ABCC8: variants seen among roughly 807,000 people sequenced by gnomAD.
The protein encoded by ABCC8 is ATP binding cassette subfamily C member 8.
Under a neutral mutation model 188.0 loss-of-function variants are expected in ABCC8, and 137 were observed. That is an observed-to-expected ratio of 0.73 (90% CI 0.63 to 0.84). ABCC8 has a LOEUF of 0.84. ABCC8 is among the 40% of genes least tolerant of loss of function. The pLI, the probability that ABCC8 is intolerant of heterozygous loss-of-function variation, is 0.00. For missense variants in ABCC8, 1,750 were observed against 2,072.7 expected (o/e 0.84, Z 3.02); for synonymous variants, 797 against 846.5 (o/e 0.94, Z 1.01).
chr11:17,463,535 G>A lies in ABCC8; in HGVS notation c.482C>T (p.Ala161Val), dbSNP rs1847957511. 6.3e-7 allele frequency: 1 copy of A among 1,598,114 alleles called. No homozygotes were observed. Among genetic ancestry groups the A allele is most frequent in the African/African-American group, 1.3e-5 (1 of 74,718 alleles). ...TIKFVKFLDH[A>V]IGFSQLRFCL... The stretch of plus-strand genomic sequence containing the variant: ...GAAGCGTAGCTGCGAGAAGCCGATG[G>A]CGTGGTCCAAGAACTTGACAAACTT... The change falls in exon 4 of 39, where the codon GCC becomes GTC. Residue 161 changes from alanine (A) to valine (V), a missense_variant. Physicochemically the swap from Ala to Val is moderately conservative, Grantham distance 64. Transcript: ENST00000389817.
At chr11:17,421,317 A>G (rs1955332218) in intron 16 of ABCC8, among the ~76,000 whole-genome samples, 1 of 152,362 alleles carries the variant, frequency 6.6e-6, no homozygotes, top group Admixed American at 6.5e-5. Context: ...GTATTTGCTC[A>G]TTCCAAATAT....
At chr11:17,440,747 T>C (rs911871340) in intron 10 of ABCC8, among the ~76,000 whole-genome samples, 4 of 152,252 alleles carry the variant, frequency 2.6e-5, no homozygotes, top group Admixed American at 6.5e-5. Flanking sequence ...CACCATGGTC[T>C]AGCTGGACAA....
At chr11:17,415,010 T>TC (rs1321480310) in intron 18 of ABCC8, among the ~76,000 whole-genome samples, 1 of 152,132 alleles carries the variant, frequency 6.6e-6, no homozygotes, top group African/African-American at 2.4e-5. Context: ...AGAACTTTTT[T>TC]TTTTTTTTTT....
rs566527939 is a variant in ABCC8, at chr11:17,461,655, G to A, written c.750C>T (p.Ile250=). ...AHKKPIDLRA[I]GKLPIAMRAL... ...CCCTCATGGCGATGGGCAGCTTCCCGATGGCTCGCAAGTCGATGGGCTTCT... is the reference window on the plus strand; with the variant it reads ...CCCTCATGGCGATGGGCAGCTTCCCAATGGCTCGCAAGTCGATGGGCTTCT... The change falls in exon 5 of 39, where the codon ATC becomes ATT. Residue 250 remains isoleucine, a synonymous_variant. Transcript: ENST00000389817. The A allele has an allele frequency of 1.2e-5, 19 of 1,614,232 alleles. No individual in the cohort carries two copies. The East Asian group carries it at 1.3e-4, about 11-fold the overall frequency.
At chr11:17,456,397 T>C (rs970694756) in intron 6 of ABCC8, among the ~76,000 whole-genome samples, 1 of 152,104 alleles carries the variant, frequency 6.6e-6, no homozygotes, top group African/African-American at 2.4e-5. Flanking sequence ...AACCCAGCAC[T>C]CCCGACTCTA....
At chr11:17,469,973 G>T in intron 3 of ABCC8, 128 bp downstream of exon 3, 2 of 1,216,194 alleles carry the variant, frequency 1.6e-6, no homozygotes, top group Admixed American at 1.9e-5. Context: ...TGAAGGCAGG[G>T]ATTTTTTTCT....
At chr11:17,452,118 C>G (rs1956839209) in intron 7 of ABCC8, among the ~76,000 whole-genome samples, 1 of 152,214 alleles carries the variant, frequency 6.6e-6, no homozygotes, top group African/African-American at 2.4e-5. Context: ...CAGGATGTCT[C>G]TCTAGTCTGA....
chr11:17,440,182 C>G (rs1444863851), intron 10 of ABCC8, among the ~76,000 whole-genome samples: 7 of 152,170 alleles, frequency 4.6e-5, no homozygotes, highest in African/African-American at 1.7e-4. Context: ...TCCCTTCCCT[C>G]TCTCTATCTC....
Position 17,407,130 on chromosome 11 carries a change from C to T in ABCC8, c.2921-1G>A, listed in dbSNP as rs772682942. The T allele has an allele frequency of 6.2e-7, 1 of 1,610,662 alleles. No individual in the cohort carries two copies. Among genetic ancestry groups the T allele is most frequent in the South Asian group, 1.1e-5 (1 of 90,854 alleles). ...TCCTCCTCGCTCTCAGCTGCCTCCT[C>T]TGCAGGCCGCAAGAACCCACTCTGT... On this transcript the variant is annotated splice_acceptor_variant, in intron 24 of 38. Coordinates refer to ENST00000389817, the MANE Select transcript of ABCC8 (RefSeq NM_000352.6). LOFTEE classifies it high-confidence loss of function.
intron 8 of ABCC8, among the ~76,000 whole-genome samples, chr11:17,445,034 G>C (rs1956469764): frequency 6.6e-6 from 1 of 152,162 alleles, no homozygotes; most frequent in South Asian, 2.1e-4. Context: ...TCTGTCACTG[G>C]GGAACCGCAG....
At chr11:17,457,442 C>G (rs7111475) in intron 6 of ABCC8, among the ~76,000 whole-genome samples, 3 of 152,294 alleles carry the variant, frequency 2.0e-5, no homozygotes, top group Non-Finnish European at 1.5e-5. Context: ...TTTAGCCCTT[C>G]GATCAAACCC....
chr11:17,395,172 C>T lies in ABCC8; in HGVS notation c.4411G>A (p.Asp1471Asn), dbSNP rs72559716. 23 of 1,569,566 alleles carry T rather than the reference C, an allele frequency of 1.5e-5. No homozygotes were observed. Among genetic ancestry groups the T allele is most frequent in the East Asian group, 4.7e-5 (2 of 42,754 alleles). ...LVVKALPGGL[D>N]AIITEGGENF... The stretch of plus-strand genomic sequence containing the variant: ...CAGCTGCATAGCCAGGAGTAGTTAC[C>T]GAGGCCTCCTGGCAGTGCCTTCACC... Residue 1471 changes from aspartate (D) to asparagine (N), a missense_variant and splice_region_variant, in exon 36 of 39, where the codon GAT becomes AAT. Transcript: ENST00000389817.
At chr11:17,441,942 T>C (rs1956332817) in intron 10 of ABCC8, among the ~76,000 whole-genome samples, 1 of 151,946 alleles carries the variant, frequency 6.6e-6, no homozygotes, top group Non-Finnish European at 1.5e-5. Context: ...TAGTCGGGTG[T>C]GGTGGTGTGT....
chr11:17,397,461 G>GTGCCTCCA, intron 31 of ABCC8, 148 bp from the exon 32 acceptor site: 1 of 1,487,370 alleles, frequency 6.7e-7, no homozygotes, highest in Non-Finnish European at 9.1e-7. Context: ...AGCCCTCCCT[G>GTGCCTCCA]GAGGCACAGG....
chr11:17,467,720 T>C (rs4148608), intron 3 of ABCC8, among the ~76,000 whole-genome samples: 49,125 of 151,900 alleles, frequency 0.32, 7,955 homozygotes, highest in Middle Eastern at 0.46. Flanking sequence ...CTTGGAGGGC[T>C]GGCCATTCTC....
At chr11:17,398,568 A>T in intron 29 of ABCC8, 127 bp from the exon 30 acceptor site, 2 of 1,531,276 alleles carry the variant, frequency 1.3e-6, no homozygotes, top group Non-Finnish European at 1.8e-6. Context: ...TGGCCACTTC[A>T]TGTAAGCTAT....
intron 8 of ABCC8, chr11:17,448,060 T>C (rs1956606955): frequency 5.3e-6 from 1 of 190,320 alleles, no homozygotes; most frequent in African/African-American, 2.4e-5. Flanking sequence ...AATATTTTGC[T>C]ACAACATAGC....
intron 6 of ABCC8, among the ~76,000 whole-genome samples, chr11:17,457,689 G>A (rs1957045004): frequency 6.6e-6 from 1 of 152,170 alleles, no homozygotes; most frequent in African/African-American, 2.4e-5. Context: ...GCAGCGGGGT[G>A]ACAGGAGCAT....
At chr11:17,408,608 A>C in intron 22 of ABCC8, 91 bp from the exon 23 acceptor site, 1 of 1,527,356 alleles carries the variant, frequency 6.5e-7, no homozygotes, top group Non-Finnish European at 8.8e-7. Context: ...ATGGAGGTTG[A>C]CACATCCCTT....
Sources: allele counts gnomAD v4.1 joint callset (sites outside exome capture counted in the v4.1 genomes callset), GRCh38; gene constraint gnomAD v4.1.1; transcripts MANE v1.5; gene names NCBI Gene and HGNC (gene_info 2026-07-23, HGNC 2026-07-21).